Variants in GPRC5C observed in about 807,000 individuals in gnomAD.
GPRC5C encodes G protein-coupled receptor family C group 5 member C.
GPRC5C carries 22 observed loss-of-function variants against 31.4 expected under a neutral mutation model. That is an observed-to-expected ratio of 0.70 (90% CI 0.50 to 1.00). The LOEUF (loss-of-function observed/expected upper bound fraction) is 1.00. Among genes scored for constraint, GPRC5C ranks in the 50% least tolerant of loss-of-function variants. GPRC5C has a pLI of 0.00. For missense variants in GPRC5C, 557 were observed against 597.2 expected (o/e 0.93, Z 0.70); for synonymous variants, 249 against 257.5 (o/e 0.97, Z 0.32).
intron 1 of GPRC5C, among the ~76,000 whole-genome samples, chr17:74,438,209 A>ATATC (rs1292749537): frequency 2.1e-4 from 2 of 9,700 alleles, no homozygotes; most frequent in African/African-American, 4.3e-4. Flanking sequence ...GCTAATTCAT[A>ATATC]TATATATATA....
chr17:74,440,464 G>T lies in GPRC5C; in HGVS notation c.688G>T (p.Ala230Ser). The T allele has an allele frequency of 1.2e-6, 2 of 1,614,066 alleles. No homozygotes were observed. Among genetic ancestry groups the T allele is most frequent in the Middle Eastern group, 1.7e-4 (1 of 6,060 alleles). The change falls in exon 2 of 4, where the codon GCC (alanine) becomes TCC (serine). Residue 230 changes from alanine to serine, a missense_variant. Coordinates refer to ENST00000392627, the MANE Select transcript of GPRC5C (RefSeq NM_022036.4). The surrounding 1 kb of genome is among the most constrained non-coding windows in gnomAD (Gnocchi z 4.4). ...LLGAFLGAWP[A>S]LCGRYKRWRK... ...GGGTGCCTTCCTGGGGGCCTGGCCC[G>T]CCCTGTGTGGCCGCTACAAGCGCTG...
chr17:74,433,719 C>G (rs1181984897), intron 1 of GPRC5C: 1 of 1,613,558 alleles, frequency 6.2e-7, no homozygotes, highest in South Asian at 1.1e-5. Flanking sequence ...TGAAGAGTGC[C>G]CTGGTCACAG....
intron 3 of GPRC5C, chr17:74,445,307 G>A (rs1406169678): frequency 6.6e-6 from 1 of 151,740 alleles, no homozygotes; most frequent in Admixed American, 6.6e-5. Flanking sequence ...GGCCAGAGCT[G>A]GGATGGAGCT....
chr17:74,450,250 G>C (rs2055700677), downstream of GPRC5C: 1 of 152,304 alleles, frequency 6.6e-6, no homozygotes, highest in South Asian at 2.1e-4. Context: ...GCAGGAACAG[G>C]TGTCCATGAC....
chr17:74,448,938 A>G, downstream of GPRC5C: 6 of 1,266,674 alleles, frequency 4.7e-6, no homozygotes, highest in Non-Finnish European at 6.2e-6. Flanking sequence ...AGTGGGTGGC[A>G]CTTCCAGCCA....
downstream of GPRC5C, chr17:74,448,896 C>T (rs1598436183): frequency 7.8e-6 from 10 of 1,289,866 alleles, no homozygotes; most frequent in Non-Finnish European, 1.0e-5. Flanking sequence ...CCAGCAGCCT[C>T]TCTCCGTGGC....
downstream of GPRC5C, chr17:74,450,153 C>G (rs2055699665): frequency 6.6e-6 from 1 of 152,340 alleles, no homozygotes; most frequent in African/African-American, 2.4e-5. Flanking sequence ...GCAGCTCTCT[C>G]CATCCAGCAG....
At chr17:74,433,715 G>A (rs1277444898) in intron 1 of GPRC5C, 3 of 1,613,674 alleles carry the variant, frequency 1.9e-6, no homozygotes, top group Admixed American at 3.3e-5. Context: ...TCCCTGAAGA[G>A]TGCCCTGGTC....
chr17:74,432,249 A>G (rs977441701), intron 1 of GPRC5C, 108 bp downstream of exon 1: 1 of 1,527,682 alleles, frequency 6.5e-7, no homozygotes, highest in Non-Finnish European at 8.8e-7. Context: ...GAGGTGATGT[A>G]ACGGTGATGC....
At chr17:74,444,452 G>A (rs7225984) in intron 3 of GPRC5C, among the ~76,000 whole-genome samples, 92,840 of 151,936 alleles carry the variant, frequency 0.61, 34,083 homozygotes, top group Non-Finnish European at 0.79. Flanking sequence ...CAGGGGAGGG[G>A]GAGGGAGCAG....
chr17:74,433,744 G>A (rs760360492), intron 1 of GPRC5C: 2 of 1,613,068 alleles, frequency 1.2e-6, no homozygotes, highest in South Asian at 2.2e-5. Flanking sequence ...CTTGAAGACA[G>A]CCATTGGCCA....
At chr17:74,444,076 A>G (rs2055587756) in intron 3 of GPRC5C, among the ~76,000 whole-genome samples, 164 bp downstream of exon 3, 1 of 152,192 alleles carries the variant, frequency 6.6e-6, no homozygotes, top group Non-Finnish European at 1.5e-5. Context: ...CCAGAGCCCC[A>G]GTTCTTAAAT....
At chr17:74,451,498 A>C (rs1259658993), downstream of GPRC5C, 1 of 152,156 alleles carries the variant, frequency 6.6e-6, no homozygotes, top group East Asian at 1.9e-4. Context: ...TTGAATGGAA[A>C]AAGACTAGAA....
intron 1 of GPRC5C, 52 bp downstream of exon 1, chr17:74,432,193 C>G: frequency 6.3e-7 from 1 of 1,578,446 alleles, no homozygotes; most frequent in Middle Eastern, 1.7e-4. Flanking sequence ...GTAAACGGAG[C>G]GCACGTACCT....
At chr17:74,446,562 A>G (rs973583546) in intron 3 of GPRC5C, 1 of 365,102 alleles carries the variant, frequency 2.7e-6, no homozygotes, top group African/African-American at 2.1e-5. Flanking sequence ...TCCCTAAACA[A>G]TTGGAAGTAG....
intron 3 of GPRC5C, chr17:74,445,676 G>A (rs1256096247): frequency 1.3e-5 from 2 of 152,248 alleles, no homozygotes; most frequent in Non-Finnish European, 2.9e-5. Context: ...CTAGTTTGGG[G>A]TCTGGGAGCT....
Position 74,447,229 on chromosome 17 carries a change from G to T in GPRC5C, c.*201G>T. ...CACTCCTCAGTGTTTGTGGAGTCGA[G>T]GAGCCAACCCCAGCCTCCTGCCAGG... is the stretch of plus-strand genomic sequence containing the variant. On this transcript the variant is annotated 3_prime_UTR_variant, in exon 4 of 4. Coordinates refer to ENST00000392627, the MANE Select transcript of GPRC5C (RefSeq NM_022036.4). 7.5e-7 allele frequency: 1 copy of T among 1,328,878 alleles called. No homozygotes were observed. Among genetic ancestry groups the T allele is most frequent in the East Asian group, 2.9e-5 (1 of 33,964 alleles). 82.3% of individuals were successfully genotyped at this position (1,328,878 alleles called of 1,614,324 possible).
intron 1 of GPRC5C, among the ~76,000 whole-genome samples, chr17:74,436,264 A>G (rs554692549): frequency 5.3e-5 from 8 of 152,130 alleles, no homozygotes; most frequent in Admixed American, 2.0e-4. Flanking sequence ...GATTCACACC[A>G]TCTTTTCTGC....
chr17:74,437,188 C>T (rs978360895), intron 1 of GPRC5C, among the ~76,000 whole-genome samples: 9 of 152,156 alleles, frequency 5.9e-5, no homozygotes, highest in African/African-American at 1.4e-4. Context: ...GTGATCTGCC[C>T]GCCAAAAGTG....
Sources: allele counts gnomAD v4.1 joint callset (sites outside exome capture counted in the v4.1 genomes callset), GRCh38; gene constraint gnomAD v4.1.1; non-coding constraint Gnocchi (gnomAD v3.1); transcripts MANE v1.5; gene names NCBI Gene and HGNC (gene_info 2026-07-23, HGNC 2026-07-21).